VAT1L: variants seen among roughly 807,000 people sequenced by gnomAD.
VAT1L encodes the protein putative NADPH-dependent quinone oxidoreductase VAT1L.
VAT1L carries 34 observed loss-of-function variants against 44.1 expected under a neutral mutation model. That is an observed-to-expected ratio of 0.77 (90% CI 0.59 to 1.03). The LOEUF (loss-of-function observed/expected upper bound fraction) is 1.03, where lower values mean the gene tolerates loss of function less well. Among genes scored for constraint, VAT1L ranks in the 50% least tolerant of loss-of-function variants. The pLI is 0.00. For synonymous variants in VAT1L, 253 were observed against 202.2 expected, an observed-to-expected ratio of 1.25 and a Z score of -2.13; for missense variants, 615 against 538.8, an observed-to-expected ratio of 1.14 and a Z score of -1.40.
intron 7 of VAT1L, among the ~76,000 whole-genome samples, chr16:77,959,852 A>G (rs935105456): frequency 6.6e-6 from 1 of 152,174 alleles, no homozygotes; most frequent in African/African-American, 2.4e-5. Context: ...ACTCTTTGGA[A>G]TGTAGTAACC....
intron 2 of VAT1L, among the ~76,000 whole-genome samples, chr16:77,821,840 G>T (rs957414156): frequency 6.6e-6 from 1 of 152,188 alleles, no homozygotes; most frequent in South Asian, 2.1e-4. Flanking sequence ...GGGGAAGGTT[G>T]GTCGTCAGGG....
chr16:77,867,208 G>A (rs1169552084), intron 4 of VAT1L, among the ~76,000 whole-genome samples: 1 of 152,048 alleles, frequency 6.6e-6, no homozygotes. Context: ...ACTCCTCTTG[G>A]TTTACAAGAG....
At chr16:77,830,777 G>C (rs1005987806) in intron 3 of VAT1L, among the ~76,000 whole-genome samples, 2 of 152,132 alleles carry the variant, frequency 1.3e-5, no homozygotes, top group East Asian at 3.9e-4. Flanking sequence ...TCTGCCTCCC[G>C]GGTTAAAGGG....
chr16:77,849,824 G>A (rs1029794987), intron 3 of VAT1L, among the ~76,000 whole-genome samples: 2 of 152,148 alleles, frequency 1.3e-5, no homozygotes, highest in Non-Finnish European at 2.9e-5. Context: ...GTCCTGTCCC[G>A]CCCAGAACAG....
At position 77,862,757 on chromosome 16, in the gene VAT1L, G is replaced by C; in HGVS notation, c.589G>C (p.Val197Leu). 6.2e-7 allele frequency: 1 copy of C among 1,613,234 alleles called. No homozygotes were observed. The highest frequency in any genetic ancestry group is 8.5e-7 in the Non-Finnish European group (1 of 1,179,772). Residue 197 changes from valine (V) to leucine (L), a missense_variant, in exon 4 of 9, where the codon GTG becomes CTG. Physicochemically the swap from Val to Leu is conservative, Grantham distance 32. Transcript: ENST00000302536. ...HSAGGGVGQA[V>L]AQLCSTVPNV... ...TGTCTTTTCCTTCCAGGGTCAAGCTGTGGCTCAGCTGTGTTCCACTGTCCC... is the reference window on the plus strand; with the variant it reads ...TGTCTTTTCCTTCCAGGGTCAAGCTCTGGCTCAGCTGTGTTCCACTGTCCC...
intron 7 of VAT1L, among the ~76,000 whole-genome samples, chr16:77,894,688 A>C (rs972012464): frequency 3.9e-5 from 6 of 152,236 alleles, no homozygotes; most frequent in African/African-American, 1.4e-4. Flanking sequence ...CATACATTTT[A>C]AGTGGGTGAA....
At chr16:77,949,317 G>A (rs147238017) in intron 7 of VAT1L, among the ~76,000 whole-genome samples, 1 of 152,264 alleles carries the variant, frequency 6.6e-6, no homozygotes, top group Non-Finnish European at 1.5e-5. Flanking sequence ...GTCAAGGGAG[G>A]TGGAGGCAAT....
intron 4 of VAT1L, 41 bp from the exon 5 acceptor site, chr16:77,876,329 T>G: frequency 1.3e-6 from 2 of 1,559,658 alleles, no homozygotes; most frequent in Non-Finnish European, 1.8e-6. Flanking sequence ...GTCTGGCTCC[T>G]GACAGGTCAC....
At position 77,788,631 on chromosome 16, in the gene VAT1L, G is replaced by A. The variant is rs2015770081; in HGVS notation, c.-52G>A. The A allele has an allele frequency of 1.3e-6, 2 of 1,538,730 alleles. No individual in the cohort carries two copies. The highest frequency in any genetic ancestry group is 1.8e-6 in the Non-Finnish European group (2 of 1,141,004). On this transcript the variant is annotated 5_prime_UTR_variant, in exon 1 of 9. Transcript: ENST00000302536. ...GGGAGAGGAGCCCCACTCCCCCAGC[G>A]CCGCAGCCACCGCAGCCACCGCAGC...
intron 7 of VAT1L, among the ~76,000 whole-genome samples, chr16:77,917,221 G>GT (rs2017561311): frequency 6.6e-6 from 1 of 152,106 alleles, no homozygotes; most frequent in African/African-American, 2.4e-5. Flanking sequence ...CCAGTTAGCA[G>GT]TAAGACAAGA....
chr16:77,967,977 A>G (rs2018240619), intron 7 of VAT1L, among the ~76,000 whole-genome samples: 1 of 152,194 alleles, frequency 6.6e-6, no homozygotes, highest in Admixed American at 6.5e-5. Flanking sequence ...ACAATTAACT[A>G]CGTAATCTTT....
chr16:77,885,708 G>A (rs566665882), intron 7 of VAT1L, among the ~76,000 whole-genome samples: 4 of 151,790 alleles, frequency 2.6e-5, no homozygotes, highest in African/African-American at 9.7e-5. Context: ...TTGTACTTTT[G>A]CAAGTCACAA....
At chr16:77,857,908 C>T (rs2016877686) in intron 3 of VAT1L, among the ~76,000 whole-genome samples, 1 of 151,060 alleles carries the variant, frequency 6.6e-6, no homozygotes, top group Non-Finnish European at 1.5e-5. Flanking sequence ...TCAGTCAGAA[C>T]CTGCATAGGT....
At chr16:77,851,811 G>A (rs913674758) in intron 3 of VAT1L, among the ~76,000 whole-genome samples, 5 of 152,242 alleles carry the variant, frequency 3.3e-5, no homozygotes, top group African/African-American at 1.2e-4. Flanking sequence ...GCCTGTCAGT[G>A]CCATAGCTAG....
At position 77,934,707 on chromosome 16, in the gene VAT1L, A is replaced by T. The variant is rs548476182; in HGVS notation, c.1078-37143A>T. On this transcript the variant is annotated intron_variant, in intron 7 of 8. Coordinates refer to ENST00000302536, the MANE Select transcript of VAT1L (RefSeq NM_020927.3). ...GACACTAAAGGGTGATCACCACAGC[A>T]AACTAGGAGTTAGAGCAGAGAACAG... Among the ~76,000 whole-genome samples the T allele has an allele frequency of 4.4e-4, 67 of 152,228 alleles. 1 individual carries two copies. The highest frequency in any genetic ancestry group is 9.6e-4 in the Non-Finnish European group (65 of 68,044).
intron 7 of VAT1L, among the ~76,000 whole-genome samples, chr16:77,942,720 T>C (rs112294199): frequency 9.6e-4 from 146 of 152,184 alleles, no homozygotes; most frequent in African/African-American, 3.3e-3. Context: ...CACCCTGTTT[T>C]TTGTTGTTGT....
At chr16:77,804,458 T>C (rs2016119501) in intron 1 of VAT1L, among the ~76,000 whole-genome samples, 1 of 152,204 alleles carries the variant, frequency 6.6e-6, no homozygotes, top group Non-Finnish European at 1.5e-5. Context: ...TTGTTCTGTG[T>C]TGGAAATACT....
chr16:77,879,976 T>C lies in VAT1L; in HGVS notation c.882+752T>C, dbSNP rs544893562. Among the ~76,000 whole-genome samples the C allele has an allele frequency of 6.6e-6, 1 of 152,242 alleles. No individual in the cohort carries two copies. Among genetic ancestry groups the C allele is most frequent in the South Asian group, 2.1e-4 (1 of 4,814 alleles). ...TGAGGACCCTATGACCTTAACAAGATCCTGAGGTGACTTGTAGACTCAGAC... is the reference window on the plus strand; with the variant it reads ...TGAGGACCCTATGACCTTAACAAGACCCTGAGGTGACTTGTAGACTCAGAC... On this transcript the variant is annotated intron_variant, in intron 6 of 8. Coordinates refer to ENST00000302536, the MANE Select transcript of VAT1L (RefSeq NM_020927.3). The surrounding 1 kb of genome is among the most constrained non-coding windows in gnomAD (Gnocchi z 4.1).
intron 7 of VAT1L, among the ~76,000 whole-genome samples, chr16:77,956,574 C>G (rs1222433895): frequency 6.6e-6 from 1 of 152,168 alleles, no homozygotes; most frequent in African/African-American, 2.4e-5. Context: ...ATTTGGGGTT[C>G]ATCTCTTTCC....
Sources: allele counts gnomAD v4.1 joint callset (sites outside exome capture counted in the v4.1 genomes callset), GRCh38; gene constraint gnomAD v4.1.1; non-coding constraint Gnocchi (gnomAD v3.1); transcripts MANE v1.5; gene names NCBI Gene and HGNC (gene_info 2026-07-23, HGNC 2026-07-21).